The following SPATA17 variants were observed in gnomAD, a reference collection of about 807,000 sequenced individuals.
SPATA17 encodes the protein spermatogenesis-associated protein 17.
Under a neutral mutation model 62.2 loss-of-function variants are expected in SPATA17, and 53 were observed. The observed-to-expected ratio is 0.85, with a 90% CI of 0.68 to 1.07. SPATA17 has a LOEUF of 1.07. SPATA17 is among the 50% of genes least tolerant of loss of function. The pLI is 0.00. For missense variants in SPATA17, 466 were observed against 425.5 expected, an observed-to-expected ratio of 1.10 and a Z score of -0.84; for synonymous variants, 146 against 146.8, an observed-to-expected ratio of 0.99 and a Z score of 0.04.
At chr1:217,734,254 C>T (rs908769940) in intron 5 of SPATA17, among the ~76,000 whole-genome samples, 3 of 152,120 alleles carry the variant, frequency 2.0e-5, no homozygotes, top group African/African-American at 7.2e-5. Context: ...TTAATGTGAA[C>T]ATATTCAGAG....
chr1:217,747,941 G>A (rs1424294776), intron 6 of SPATA17, among the ~76,000 whole-genome samples: 1 of 152,110 alleles, frequency 6.6e-6, no homozygotes, highest in African/African-American at 2.4e-5. Flanking sequence ...AAGCCAAAAT[G>A]GTTTCAGCTA....
At chr1:217,666,778 A>C (rs1670705878) in intron 3 of SPATA17, among the ~76,000 whole-genome samples, 1 of 152,148 alleles carries the variant, frequency 6.6e-6, no homozygotes, top group Non-Finnish European at 1.5e-5. Context: ...GAATTAGACT[A>C]TTCTAGTACC....
chr1:217,786,524 C>T (rs1368537254), intron 8 of SPATA17, among the ~76,000 whole-genome samples: 1 of 151,944 alleles, frequency 6.6e-6, no homozygotes, highest in Non-Finnish European at 1.5e-5. Context: ...AGAAAAATTG[C>T]AAAAAAGTTC....
At chr1:217,850,551 G>C in intron 9 of SPATA17, 5 of 1,592,938 alleles carry the variant, frequency 3.1e-6, no homozygotes, top group Non-Finnish European at 4.3e-6. Context: ...CTGGATATTG[G>C]CCTTCACATT....
At chr1:217,684,238 T>C (rs1671165877) in intron 5 of SPATA17, among the ~76,000 whole-genome samples, 1 of 152,204 alleles carries the variant, frequency 6.6e-6, no homozygotes, top group Admixed American at 6.5e-5. Flanking sequence ...AGTTTCCATA[T>C]TATTTTGAAA....
intron 6 of SPATA17, among the ~76,000 whole-genome samples, chr1:217,764,393 A>G (rs1359665851): frequency 6.6e-6 from 1 of 152,144 alleles, no homozygotes; most frequent in Non-Finnish European, 1.5e-5. Flanking sequence ...AGGTTTCTGC[A>G]TGTCTTTTCA....
intron 9 of SPATA17, among the ~76,000 whole-genome samples, chr1:217,829,637 A>G (rs1190725022): frequency 1.3e-5 from 2 of 150,156 alleles, no homozygotes; most frequent in Non-Finnish European, 3.0e-5. Flanking sequence ...CAAAAAAAAA[A>G]AAAAAAAAAA....
chr1:217,701,639 G>A (rs888665279), intron 5 of SPATA17, among the ~76,000 whole-genome samples: 30 of 152,004 alleles, frequency 2.0e-4, no homozygotes, highest in African/African-American at 6.5e-4. Flanking sequence ...CACCTGCCTC[G>A]GCCTCCCAAA....
intron 4 of SPATA17, among the ~76,000 whole-genome samples, chr1:217,676,472 A>T (rs1268055998): frequency 6.6e-6 from 1 of 152,152 alleles, no homozygotes; most frequent in Non-Finnish European, 1.5e-5. Flanking sequence ...CATTTTTAAA[A>T]CATTAGGAAC....
intron 1 of SPATA17, among the ~76,000 whole-genome samples, chr1:217,643,517 C>T (rs572327342): frequency 6.6e-6 from 1 of 152,082 alleles, no homozygotes. Context: ...AGGCAGCCCC[C>T]ACTTGAGGAT....
intron 9 of SPATA17, among the ~76,000 whole-genome samples, chr1:217,860,984 C>G (rs906018353): frequency 9.9e-5 from 15 of 152,006 alleles, no homozygotes; most frequent in African/African-American, 2.9e-4. Context: ...CAAAATTTTT[C>G]TGTAGCGATT....
Position 217,868,430 on chromosome 1 carries a change from A to G in SPATA17, c.*1411A>G, listed in dbSNP as rs971513620. On this transcript the variant is annotated 3_prime_UTR_variant, in exon 11 of 11. Transcript: ENST00000366933. The stretch of plus-strand genomic sequence containing the variant: ...TGTAAGTTAAAAATGCATTTAATAC[A>G]GCTAACTTACCAGACAGCTTAGCTT... 1 of 152,196 alleles carries G rather than the reference A, an allele frequency of 6.6e-6. No individual in the cohort carries two copies. Among genetic ancestry groups the G allele is most frequent in the African/African-American group, 2.4e-5 (1 of 41,450 alleles). 9.4% of individuals were successfully genotyped at this position (152,196 alleles called of 1,614,324 possible). A position where few individuals can be genotyped will look rare whatever the true frequency, so the allele number is the denominator to read the frequency against.
rs1263980161 is a variant in SPATA17, at chr1:217,871,282, TC to T, written c.*4267del. 3 of 152,168 alleles carry T rather than the reference TC, an allele frequency of 2.0e-5. No homozygotes were observed. Among genetic ancestry groups the T allele is most frequent in the African/African-American group, 7.2e-5 (3 of 41,450 alleles). The allele number at this position is 152,168 out of a possible 1,614,324, so 9.4% of individuals were successfully genotyped here. The stretch of plus-strand genomic sequence containing the variant: ...GGACATTATGAATCTTGTTATTTTA[TC>T]CCCTTTTTTGCTCTGTTTTTTCACA... On this transcript the variant is annotated 3_prime_UTR_variant, in exon 11 of 11. Transcript: ENST00000366933.
chr1:217,812,594 T>C (rs1674618471), intron 9 of SPATA17, among the ~76,000 whole-genome samples: 1 of 152,178 alleles, frequency 6.6e-6, no homozygotes, highest in African/African-American at 2.4e-5. Flanking sequence ...ATCAGGTAAA[T>C]TCTTTGTATT....
chr1:217,851,635 G>A (rs1675667551), intron 9 of SPATA17, among the ~76,000 whole-genome samples: 1 of 152,104 alleles, frequency 6.6e-6, no homozygotes, highest in South Asian at 2.1e-4. Flanking sequence ...AGATTAAAAT[G>A]GTGTTGTTAG....
At chr1:217,833,384 T>A (rs543187258) in intron 9 of SPATA17, among the ~76,000 whole-genome samples, 48 of 152,304 alleles carry the variant, frequency 3.2e-4, no homozygotes, top group Admixed American at 8.5e-4. Flanking sequence ...CTCTACAGTG[T>A]AATTATATTC....
At chr1:217,837,350 G>A (rs980956822) in intron 9 of SPATA17, among the ~76,000 whole-genome samples, 1 of 152,126 alleles carries the variant, frequency 6.6e-6, no homozygotes, top group Middle Eastern at 3.4e-3. Context: ...TAATATCCAA[G>A]TACTAAACAA....
At position 217,726,721 on chromosome 1, in the gene SPATA17, T is replaced by TTG. The variant is rs376490114; in HGVS notation, c.396-15253_396-15252insGT. Among the ~76,000 whole-genome samples, 375 of 152,062 alleles carry TTG rather than the reference T, an allele frequency of 2.5e-3. 1 individual carries two copies. The highest frequency in any genetic ancestry group is 8.4e-3 in the African/African-American group (349 of 41,480). ...TGTTTTCCCATATTTTTGTGTGTTT[T>TTG]TTTTTTCATTTTGGCTGCTTTTAGA... is the stretch of plus-strand genomic sequence containing the variant. On this transcript the variant is annotated intron_variant, in intron 5 of 10. Transcript: ENST00000366933.
At chr1:217,673,438 CT>C (rs1204348773) in intron 4 of SPATA17, among the ~76,000 whole-genome samples, 1 of 152,060 alleles carries the variant, frequency 6.6e-6, no homozygotes. Flanking sequence ...ACTTTATTTC[CT>C]TTTTAGTCTT....
Sources: gnomAD v4.1 joint callset for allele counts (sites outside exome capture counted in the v4.1 genomes callset) on GRCh38, gnomAD v4.1.1 for gene constraint, MANE v1.5 for transcripts, NCBI Gene and HGNC (gene_info 2026-07-23, HGNC 2026-07-21) for gene names.